The following ANKRD36 variants were observed in gnomAD, a reference collection of about 807,000 sequenced individuals.
The protein encoded by ANKRD36 is ankyrin repeat domain-containing protein 36A.
Under a neutral mutation model 278.1 loss-of-function variants are expected in ANKRD36, and 179 were observed. That is an observed-to-expected ratio of 0.64 (90% CI 0.57 to 0.73). The LOEUF is 0.73. Among genes scored for constraint, ANKRD36 ranks in the 30% least tolerant of loss-of-function variants. ANKRD36 has a pLI of 0.00. For synonymous variants in ANKRD36, 320 were observed against 641.1 expected, an observed-to-expected ratio of 0.50 and a Z score of 7.57; for missense variants, 1,159 against 1,956.7, an observed-to-expected ratio of 0.59 and a Z score of 7.69.
At chr2:97,149,386 A>T (rs1488575101) in intron 12 of ANKRD36, 25 bp downstream of exon 12, 27 of 1,489,736 alleles carry the variant, frequency 1.8e-5, no homozygotes, top group Admixed American at 2.2e-5. Flanking sequence ...TGTGAAATTA[A>T]TTTTCTCCCT....
intron 64 of ANKRD36, 72 bp downstream of exon 64, chr2:97,217,444 C>A: frequency 6.5e-7 from 1 of 1,538,918 alleles, no homozygotes; most frequent in South Asian, 1.2e-5. Flanking sequence ...CTGAATAGAT[C>A]AGCAGGGTGC....
chr2:97,175,507 TTC>T (rs1264423026), intron 22 of ANKRD36, among the ~76,000 whole-genome samples: 3 of 151,994 alleles, frequency 2.0e-5, no homozygotes, highest in Non-Finnish European at 2.9e-5. Context: ...TATTTGAATC[TTC>T]TCTCTTTTTT....
Position 97,124,547 on chromosome 2 carries a change from T to C in ANKRD36, c.681T>C (p.Asp227=). Reference sequence around the variant, plus strand: ...ACAATATTGATGTGCTTTCTCGAGATGCGTTTCGAAAGATTGCAGGAGATT... The same window carrying C: ...ACAATATTGATGTGCTTTCTCGAGACGCGTTTCGAAAGATTGCAGGAGATT... ...LQHNIDVLSR[D]AFRKIAGDYA... is the part of the protein sequence containing the mutation. Residue 227 remains aspartate, a synonymous_variant, in exon 5 of 76, where the codon GAT becomes GAC. Coordinates refer to ENST00000420699, the MANE Select transcript of ANKRD36 (RefSeq NM_001354587.1). The C allele has an allele frequency of 6.4e-7, 1 of 1,553,246 alleles. No individual in the cohort carries two copies. The highest frequency in any genetic ancestry group is 1.4e-5 in the African/African-American group (1 of 73,352).
intron 67 of ANKRD36, among the ~76,000 whole-genome samples, chr2:97,227,919 T>A (rs1284282032): frequency 6.6e-6 from 1 of 152,138 alleles, no homozygotes; most frequent in Non-Finnish European, 1.5e-5. Flanking sequence ...TTTGGTTCTG[T>A]TTATAAGCTG....
At chr2:97,230,494 C>T (rs1201155644) in intron 67 of ANKRD36, among the ~76,000 whole-genome samples, 1 of 152,124 alleles carries the variant, frequency 6.6e-6, no homozygotes, top group African/African-American at 2.4e-5. Context: ...TTCATCAGCT[C>T]CTTTAAGCAC....
chr2:97,200,661 T>A, intron 46 of ANKRD36, 136 bp downstream of exon 46: 1 of 1,402,108 alleles, frequency 7.1e-7, no homozygotes, highest in Non-Finnish European at 9.6e-7. Flanking sequence ...TCTAACAAGT[T>A]CTTGGGTTAT....
intron 18 of ANKRD36, among the ~76,000 whole-genome samples, chr2:97,162,722 G>C (rs1483945408): frequency 1.4e-5 from 2 of 144,784 alleles, no homozygotes; most frequent in African/African-American, 5.0e-5. Flanking sequence ...TCTCTCTATA[G>C]GGGTTACACA....
chr2:97,171,662 T>C (rs936016898), intron 22 of ANKRD36, among the ~76,000 whole-genome samples: 4 of 143,312 alleles, frequency 2.8e-5, no homozygotes, highest in African/African-American at 1.0e-4. Flanking sequence ...GTAACTAACC[T>C]GCACAATGTG....
chr2:97,177,007 A>C (rs1218673589), intron 22 of ANKRD36, among the ~76,000 whole-genome samples: 1 of 151,724 alleles, frequency 6.6e-6, no homozygotes, highest in Admixed American at 6.6e-5. Flanking sequence ...ATGTGCAAAA[A>C]TCACAAGCAT....
At chr2:97,150,504 A>C (rs2045627321) in intron 12 of ANKRD36, among the ~76,000 whole-genome samples, 1 of 152,262 alleles carries the variant, frequency 6.6e-6, no homozygotes, top group Middle Eastern at 3.2e-3. Context: ...CTTTCTCATG[A>C]TGGAATGTTA....
At chr2:97,216,851 T>G in intron 62 of ANKRD36, 14 of 587,604 alleles carry the variant, frequency 2.4e-5, no homozygotes, top group Non-Finnish European at 3.7e-5. Context: ...TGATTCTCAA[T>G]TGTATGAGTT....
rs552273679 is a variant in ANKRD36, at chr2:97,160,968, A to ATT, written c.1390-1131_1390-1130insTT. ...AAATATATTTTATATCTTTTAATCC[A>ATT]GTATAGAAATATATAATTGAAATTT... On this transcript the variant is annotated intron_variant, in intron 17 of 75. Transcript: ENST00000420699. Among the ~76,000 whole-genome samples the ATT allele has an allele frequency of 1.1e-3, 164 of 152,058 alleles. 4 individuals are homozygous for ATT. The East Asian group carries it at 0.013, about 12-fold the overall frequency.
chr2:97,182,998 G>A (rs1263813470), intron 26 of ANKRD36, among the ~76,000 whole-genome samples: 2 of 151,578 alleles, frequency 1.3e-5, no homozygotes, highest in African/African-American at 4.8e-5. Context: ...TTGTCATTGT[G>A]TACCTCCTCA....
rs182745105 is a variant in ANKRD36, at chr2:97,140,813, G to T, written c.800-1827G>T. 6.7e-4 allele frequency among the ~76,000 whole-genome samples: 102 copies of T among 152,106 alleles called. 1 individual carries two copies. Among genetic ancestry groups the T allele is most frequent in the African/African-American group, 2.1e-3 (87 of 41,540 alleles). Reference sequence around the variant, plus strand: ...GCAAAGAATGAAGTCCACCAATATGGTTATTAGATTTATGAATGAAAAAGA... The same window carrying T: ...GCAAAGAATGAAGTCCACCAATATGTTTATTAGATTTATGAATGAAAAAGA... On this transcript the variant is annotated intron_variant, in intron 6 of 75. Transcript: ENST00000420699.
In ANKRD36 at chr2:97,163,986, C is replaced by G. The variant is rs188536210; in HGVS notation, c.1430-297C>G. On this transcript the variant is annotated intron_variant, in intron 18 of 75. Transcript: ENST00000420699. ...TGACGTCATCTTTTTTGGCTTCATC[C>G]AGCTGATTCACATTGGTAGAAATAC... 327 of 1,197,204 alleles carry G rather than the reference C, an allele frequency of 2.7e-4. 2 individuals carry two copies. Among genetic ancestry groups the G allele is most frequent in the Non-Finnish European group, 2.4e-4 (235 of 963,178 alleles). 74.2% of individuals were successfully genotyped at this position (1,197,204 alleles called of 1,614,324 possible).
chr2:97,212,393 T>C (rs1360878063), intron 58 of ANKRD36, among the ~76,000 whole-genome samples: 1 of 151,864 alleles, frequency 6.6e-6, no homozygotes. Context: ...GACTCATTAC[T>C]CCTCTTTAGG....
At chr2:97,176,063 A>G (rs1036525338) in intron 22 of ANKRD36, among the ~76,000 whole-genome samples, 1 of 151,608 alleles carries the variant, frequency 6.6e-6, no homozygotes, top group African/African-American at 2.4e-5. Context: ...TCAATTTTGG[A>G]ATAGGTGTGG....
chr2:97,198,357 A>C (rs867029673), intron 42 of ANKRD36, 106 bp from the exon 43 acceptor site: 11 of 1,540,218 alleles, frequency 7.1e-6, no homozygotes, highest in Non-Finnish European at 6.1e-6. Flanking sequence ...CAAAGCGTAC[A>C]CTAATACAGG....
chr2:97,201,914 C>A (rs1207052215), intron 46 of ANKRD36, among the ~76,000 whole-genome samples: 1 of 151,886 alleles, frequency 6.6e-6, no homozygotes, highest in East Asian at 1.9e-4. Context: ...CACATTTGTT[C>A]TCATCACTCG....
Sources: allele counts gnomAD v4.1 joint callset (sites outside exome capture counted in the v4.1 genomes callset), GRCh38; gene constraint gnomAD v4.1.1; transcripts MANE v1.5; gene names NCBI Gene and HGNC (gene_info 2026-07-23, HGNC 2026-07-21).